Variants in GTF2F1 observed in about 807,000 individuals in gnomAD.
The protein encoded by GTF2F1 is general transcription factor IIF 74 kDa subunit.
A neutral mutation model predicts 63.5 loss-of-function variants in GTF2F1; 39 were observed. The observed-to-expected ratio is 0.61, with a 90% CI of 0.48 to 0.80. GTF2F1 has a LOEUF of 0.80. GTF2F1 is among the 30% of genes least tolerant of loss of function. GTF2F1 has a pLI of 0.00. For synonymous variants in GTF2F1, 287 were observed against 285.3 expected (o/e 1.01, Z -0.06); for missense variants, 657 against 718.3 (o/e 0.91, Z 0.97).
At chr19:6,392,035 C>A in intron 2 of GTF2F1, 61 bp from the exon 3 acceptor site, 1 of 840,736 alleles carries the variant, frequency 1.2e-6, no homozygotes, top group South Asian at 1.5e-5. Context: ...TTAATTTAAT[C>A]AGTCAATGCT....
Position 6,393,096 on chromosome 19 carries a change from G to A in GTF2F1, c.-101C>T. On this transcript the variant is annotated 5_prime_UTR_variant, in exon 1 of 13. Coordinates refer to ENST00000394456, the MANE Select transcript of GTF2F1 (RefSeq NM_002096.3). ...CCGGGGAAGCCGCCGCTCGGTGTCG[G>A]GTCTCTGTGCCTGAGCGAGGACCCC... 6.6e-7 allele frequency: 1 copy of A among 1,504,510 alleles called. No individual in the cohort carries two copies. The highest frequency in any genetic ancestry group is 1.7e-5 in the Admixed American group (1 of 58,354). The allele number at this position is 1,504,510 out of a possible 1,614,324, so 93.2% of individuals were successfully genotyped here. A position where few individuals can be genotyped will look rare whatever the true frequency, so the allele number is the denominator to read the frequency against.
chr19:6,384,284 G>A (rs976354279), intron 5 of GTF2F1, among the ~76,000 whole-genome samples: 4 of 150,230 alleles, frequency 2.7e-5, no homozygotes, highest in Non-Finnish European at 5.9e-5. Flanking sequence ...GAGGCAAGTG[G>A]ATCACCTGAG....
chr19:6,385,949 G>A (rs763433383), intron 5 of GTF2F1, among the ~76,000 whole-genome samples: 1 of 152,100 alleles, frequency 6.6e-6, no homozygotes. Flanking sequence ...GGTGGCAGGC[G>A]CCTGTAGTCC....
At chr19:6,387,672 T>A in intron 4 of GTF2F1, 113 bp from the exon 5 acceptor site, 1 of 780,878 alleles carries the variant, frequency 1.3e-6, no homozygotes, top group South Asian at 1.8e-5. Flanking sequence ...GACCAAGAAA[T>A]GCCCATGAGG....
At chr19:6,392,488 G>A (rs1290439657) in intron 2 of GTF2F1, 4 of 529,044 alleles carry the variant, frequency 7.6e-6, no homozygotes, top group Non-Finnish European at 1.4e-5. Flanking sequence ...TTTAGGGGTT[G>A]AGGGGAGGCA....
At chr19:6,392,019 C>A in intron 2 of GTF2F1, 45 bp from the exon 3 acceptor site, 1 of 958,794 alleles carries the variant, frequency 1.0e-6, no homozygotes, top group South Asian at 1.4e-5. Context: ...TACAGCAATT[C>A]AATCATTAAT....
In GTF2F1 at chr19:6,383,589, C is replaced by G. The variant is rs974300179; in HGVS notation, c.498-94G>C. On this transcript the variant is annotated intron_variant, in intron 5 of 12. Transcript: ENST00000394456. This position sits in a 1 kb window ranked among gnomAD's most constrained non-coding sequence, Gnocchi z 4.5. ...GAGCCCCAGGGCACCACCCACATAG[C>G]CTTCAAGGTGATGTGGCCCCCGGGG... 5.4e-5 allele frequency: 73 copies of G among 1,351,742 alleles called. No homozygotes were observed. The highest frequency in any genetic ancestry group is 7.2e-5 in the Non-Finnish European group (70 of 972,086). 83.7% of individuals were successfully genotyped at this position (1,351,742 alleles called of 1,614,324 possible).
chr19:6,386,609 A>T (rs1462606415), intron 5 of GTF2F1, among the ~76,000 whole-genome samples: 1 of 151,780 alleles, frequency 6.6e-6, no homozygotes, highest in African/African-American at 2.4e-5. Flanking sequence ...ATGCCCGGCT[A>T]ATTTTTTGTA....
chr19:6,381,496 T>C lies in GTF2F1; in HGVS notation c.899-18A>G, dbSNP rs745774284. 1.9e-6 allele frequency: 3 copies of C among 1,608,400 alleles called. No individual in the cohort carries two copies. Among genetic ancestry groups the C allele is most frequent in the African/African-American group, 1.3e-5 (1 of 74,928 alleles). On this transcript the variant is annotated intron_variant, in intron 8 of 12. Coordinates refer to ENST00000394456, the MANE Select transcript of GTF2F1 (RefSeq NM_002096.3). This position sits in a 1 kb window ranked among gnomAD's most constrained non-coding sequence, Gnocchi z 4.1. ...ATCGACACCTGGGAGGGGCAGGGTA[T>C]GAGCAAGAGCAGGGAAGCACCGCCC...
Position 6,387,459 on chromosome 19 carries a change from A to T in GTF2F1, c.427T>A (p.Trp143Arg). The T allele has an allele frequency of 3.1e-6, 5 of 1,614,226 alleles. No individual in the cohort carries two copies. Among genetic ancestry groups the T allele is most frequent in the Non-Finnish European group, 4.2e-6 (5 of 1,180,034 alleles). ...CGGGCCAGCGGTGTGAAATTGTACC[A>T]GTTGTGCACGGGGAAGGCCTCGAAG... ...GAFEAFPVHNWYNFTPLARHR... is the reference protein window; with the variant it reads ...GAFEAFPVHNRYNFTPLARHR... Residue 143 changes from tryptophan to arginine, a missense_variant, in exon 5 of 13, where the codon TGG becomes AGG. By Grantham distance (101) the Trp-to-Arg change is moderately radical. Transcript: ENST00000394456.
rs1280657801 is a variant in GTF2F1 at position 6,381,950 on chromosome 19, G to C, written c.683-100C>G. The C allele has an allele frequency of 2.0e-6, 2 of 989,128 alleles. No individual in the cohort carries two copies. The highest frequency in any genetic ancestry group is 3.2e-5 in the African/African-American group (2 of 61,570). The allele number at this position is 989,128 out of a possible 1,614,324, so 61.3% of individuals were successfully genotyped here. The stretch of plus-strand genomic sequence containing the variant: ...TTTTGTGCAGTTTTGACATCCTGGG[G>C]GGCCTCACTGACTGGGGAGACTACA... On this transcript the variant is annotated intron_variant, in intron 6 of 12. Coordinates refer to ENST00000394456, the MANE Select transcript of GTF2F1 (RefSeq NM_002096.3). This position sits in a 1 kb window ranked among gnomAD's most constrained non-coding sequence, Gnocchi z 4.1.
rs548700346 is a variant in GTF2F1 at position 6,381,273 on chromosome 19, G to A, written c.1019-78C>T. ...CCACTGGTGCCTCCACTGCAGATGAGGGAGGCCTGCAGGGGAGAGGGGAGG... is the reference window on the plus strand; with the variant it reads ...CCACTGGTGCCTCCACTGCAGATGAAGGAGGCCTGCAGGGGAGAGGGGAGG... On this transcript the variant is annotated intron_variant, in intron 9 of 12. Transcript: ENST00000394456. This position sits in a 1 kb window ranked among gnomAD's most constrained non-coding sequence, Gnocchi z 4.1. 7 of 1,553,310 alleles carry A rather than the reference G, an allele frequency of 4.5e-6. No individual in the cohort carries two copies. The highest frequency in any genetic ancestry group is 2.7e-5 in the African/African-American group (2 of 73,594).
In GTF2F1 at chr19:6,380,930, C is replaced by G. The variant is rs370397042; in HGVS notation, c.1205G>C (p.Arg402Pro). The G allele has an allele frequency of 6.3e-7, 1 of 1,576,204 alleles. No individual in the cohort carries two copies. The highest frequency in any genetic ancestry group is 1.1e-5 in the South Asian group (1 of 87,216). The change falls in exon 11 of 13, where the codon CGG (arginine) becomes CCG (proline). Residue 402 changes from arginine (R) to proline (P), a missense_variant. By Grantham distance (103) the Arg-to-Pro change is moderately radical (BLOSUM62 -2). Around this residue, in one of 2 missense-constraint regions of GTF2F1, gnomAD observed 602 missense variants for 625.6 expected, o/e 0.96. Coordinates refer to ENST00000394456, the MANE Select transcript of GTF2F1 (RefSeq NM_002096.3). This position sits in a 1 kb window ranked among gnomAD's most constrained non-coding sequence, Gnocchi z 5.3. ...AEGGSTSSTL[R>P]AAASKLEQGK... is the part of the protein sequence containing the mutation. Reference sequence around the variant, plus strand: ...TTGCTCGAGTTTGCTGGCAGCCGCCCGCAGGGTGGAGGAGGTGCTGCCACC... The same window carrying G: ...TTGCTCGAGTTTGCTGGCAGCCGCCGGCAGGGTGGAGGAGGTGCTGCCACC...
Position 6,383,263 on chromosome 19 carries a change from G to A in GTF2F1, c.682+48C>T. 2 of 1,587,752 alleles carry A rather than the reference G, an allele frequency of 1.3e-6. No individual in the cohort carries two copies. The highest frequency in any genetic ancestry group is 1.7e-6 in the Non-Finnish European group (2 of 1,160,514). On this transcript the variant is annotated intron_variant, in intron 6 of 12. Transcript: ENST00000394456. The surrounding 1 kb of genome is among the most constrained non-coding windows in gnomAD (Gnocchi z 4.5). ...GGTAGACTTTGCCTTCACTGGCACT[G>A]CCTGAGCAGGCACCTCTGTGACCTA...
At chr19:6,386,423 A>G (rs2091974193) in intron 5 of GTF2F1, among the ~76,000 whole-genome samples, 1 of 151,940 alleles carries the variant, frequency 6.6e-6, no homozygotes, top group African/African-American at 2.4e-5. Context: ...CAAACAAAAA[A>G]ACACCAAAGA....
intron 5 of GTF2F1, chr19:6,386,932 C>T (rs1205409965): frequency 5.8e-6 from 1 of 171,994 alleles, no homozygotes; most frequent in African/African-American, 2.4e-5. Flanking sequence ...TCTGGGCCCC[C>T]AGCCTCGTCC....
At position 6,386,405 on chromosome 19, in the gene GTF2F1, CAA is replaced by C. The variant is rs2091974102; in HGVS notation, c.497+982_497+983del. On this transcript the variant is annotated intron_variant, in intron 5 of 12. Coordinates refer to ENST00000394456, the MANE Select transcript of GTF2F1 (RefSeq NM_002096.3). ...CTCAGTTCAAAAAAAAACACACAAA[CAA>C]ACAAACAAACAAAAAAACACCAAAG... Among the ~76,000 whole-genome samples the C allele has an allele frequency of 2.6e-5, 4 of 151,826 alleles. No individual in the cohort carries two copies. In the South Asian group the frequency reaches 6.3e-4, roughly 24 times the overall value.
intron 5 of GTF2F1, among the ~76,000 whole-genome samples, chr19:6,385,842 T>C (rs201770340): frequency 6.6e-6 from 1 of 151,844 alleles, no homozygotes; most frequent in Non-Finnish European, 1.5e-5. Flanking sequence ...TCCCAGCACT[T>C]TGGGAGGCCG....
intron 3 of GTF2F1, among the ~76,000 whole-genome samples, chr19:6,391,408 C>A (rs556644387): frequency 6.6e-6 from 1 of 151,036 alleles, no homozygotes; most frequent in Non-Finnish European, 1.5e-5. Flanking sequence ...CAGGGACACC[C>A]AGGAGCTAGG....
Sources: allele counts gnomAD v4.1 joint callset (sites outside exome capture counted in the v4.1 genomes callset), GRCh38; gene constraint gnomAD v4.1.1; regional missense constraint gnomAD v4.1.1; non-coding constraint Gnocchi (gnomAD v3.1); transcripts MANE v1.5; gene names NCBI Gene and HGNC (gene_info 2026-07-23, HGNC 2026-07-21).